Variants in ZNF804A observed in about 807,000 individuals in gnomAD.
ZNF804A encodes the protein zinc finger protein 804A.
ZNF804A carries 2 observed loss-of-function variants against 16.5 expected under a neutral mutation model. That is an observed-to-expected ratio of 0.12 (90% CI 0.05 to 0.38). ZNF804A has a LOEUF of 0.38. Among genes scored for constraint, ZNF804A ranks in the 10% least tolerant of loss-of-function variants. The pLI, the probability that ZNF804A is intolerant of heterozygous loss-of-function variation, is 0.99. For missense variants in ZNF804A, 1,473 were observed against 1,390.7 expected, an observed-to-expected ratio of 1.06 and a Z score of -0.94; for synonymous variants, 534 against 489.6, an observed-to-expected ratio of 1.09 and a Z score of -1.20.
At chr2:184,689,338 G>T (rs1036065828) in intron 1 of ZNF804A, among the ~76,000 whole-genome samples, 1 of 151,952 alleles carries the variant, frequency 6.6e-6, no homozygotes, top group African/African-American at 2.4e-5. Context: ...CACAATAAAA[G>T]AAAAATAAAC....
chr2:184,652,206 T>G (rs1011624554), intron 1 of ZNF804A, among the ~76,000 whole-genome samples: 1 of 152,174 alleles, frequency 6.6e-6, no homozygotes, highest in African/African-American at 2.4e-5. Flanking sequence ...AAACACTGTA[T>G]GTTTTCACTT....
At chr2:184,639,993 C>T (rs1327465512) in intron 1 of ZNF804A, among the ~76,000 whole-genome samples, 1 of 151,830 alleles carries the variant, frequency 6.6e-6, no homozygotes, top group Non-Finnish European at 1.5e-5. Context: ...CAGGGCGAGA[C>T]TGCGTCTCAA....
At chr2:184,887,305 T>C (rs974783684) in intron 2 of ZNF804A, among the ~76,000 whole-genome samples, 2 of 152,194 alleles carry the variant, frequency 1.3e-5, no homozygotes, top group African/African-American at 4.8e-5. Flanking sequence ...ATTGTACATA[T>C]TGCTATCAGC....
intron 2 of ZNF804A, among the ~76,000 whole-genome samples, chr2:184,927,598 A>G (rs1428266237): frequency 1.3e-5 from 2 of 152,206 alleles, no homozygotes; most frequent in Admixed American, 1.3e-4. Context: ...AGGTGGGTCC[A>G]GAGGTTATGT....
intron 1 of ZNF804A, among the ~76,000 whole-genome samples, chr2:184,820,104 TATAC>T (rs1446355836): frequency 2.0e-5 from 3 of 151,740 alleles, no homozygotes; most frequent in Non-Finnish European, 4.4e-5. Context: ...ACCTGGCAGA[TATAC>T]AACAAACAAA....
chr2:184,937,764 C>A lies in ZNF804A; in HGVS notation c.2368C>A (p.His790Asn), dbSNP rs578257332. The change falls in exon 4 of 4, where the codon CAT becomes AAT. Residue 790 changes from histidine to asparagine, a missense_variant. Physicochemically the swap from His to Asn is moderately conservative, Grantham distance 68. Transcript: ENST00000302277. Reference protein sequence around the residue: ...SSDESLNRQNHLPEEFLRPPS... With the variant: ...SSDESLNRQNNLPEEFLRPPS... ...AGATGAAAGTTTAAATCGACAGAAT[C>A]ATTTACCAGAAGAATTTTTGAGGCC... is the stretch of plus-strand genomic sequence containing the variant. The A allele has an allele frequency of 4.3e-6, 7 of 1,613,972 alleles. No homozygotes were observed. Among genetic ancestry groups the A allele is most frequent in the Non-Finnish European group, 5.1e-6 (6 of 1,179,942 alleles).
intron 1 of ZNF804A, among the ~76,000 whole-genome samples, chr2:184,742,349 T>G (rs1285409065): frequency 1.3e-5 from 2 of 152,010 alleles, no homozygotes; most frequent in Non-Finnish European, 2.9e-5. Flanking sequence ...GGTAATATAT[T>G]CCCTTTCAAG....
intron 1 of ZNF804A, among the ~76,000 whole-genome samples, chr2:184,739,193 C>CT (rs1693677125): frequency 6.6e-6 from 1 of 152,028 alleles, no homozygotes. Flanking sequence ...CATTTGATCC[C>CT]TAATTGCACC....
chr2:184,658,520 G>T (rs1308800618), intron 1 of ZNF804A, among the ~76,000 whole-genome samples: 6 of 151,970 alleles, frequency 3.9e-5, no homozygotes, highest in Admixed American at 3.9e-4. Flanking sequence ...AAAACACCAA[G>T]AATTTTTTTT....
At chr2:184,695,256 T>A (rs1364499455) in intron 1 of ZNF804A, among the ~76,000 whole-genome samples, 1 of 151,778 alleles carries the variant, frequency 6.6e-6, no homozygotes, top group African/African-American at 2.4e-5. Context: ...GGTCAGGAGA[T>A]CGAGACCATC....
intron 1 of ZNF804A, among the ~76,000 whole-genome samples, chr2:184,832,679 C>T (rs116351004): frequency 0.035 from 5,295 of 151,624 alleles, 123 homozygotes; most frequent in Middle Eastern, 0.062. Context: ...TCTTTTTCAT[C>T]CCCCAAATAG....
chr2:184,694,682 T>G (rs931218333), intron 1 of ZNF804A, among the ~76,000 whole-genome samples: 6 of 152,214 alleles, frequency 3.9e-5, no homozygotes, highest in African/African-American at 1.4e-4. Context: ...GGCTTGAAAT[T>G]TGAATTTCAG....
intron 1 of ZNF804A, among the ~76,000 whole-genome samples, chr2:184,617,637 T>G (rs920231026): frequency 6.6e-6 from 1 of 151,590 alleles, no homozygotes; most frequent in South Asian, 2.1e-4. Flanking sequence ...TCATCACTGT[T>G]TAGAATTTTT....
chr2:184,613,098 A>T (rs953866561), intron 1 of ZNF804A, among the ~76,000 whole-genome samples: 2 of 152,268 alleles, frequency 1.3e-5, no homozygotes, highest in Non-Finnish European at 2.9e-5. Flanking sequence ...TTGACACATT[A>T]GCAAGGTGCG....
At chr2:184,797,178 T>G (rs1287742517) in intron 1 of ZNF804A, among the ~76,000 whole-genome samples, 1 of 152,182 alleles carries the variant, frequency 6.6e-6, no homozygotes, top group Admixed American at 6.5e-5. Flanking sequence ...AATTGTTTCT[T>G]TCTTGACTTT....
intron 2 of ZNF804A, among the ~76,000 whole-genome samples, chr2:184,915,097 T>C (rs1685422797): frequency 6.6e-6 from 1 of 151,974 alleles, no homozygotes; most frequent in African/African-American, 2.4e-5. Flanking sequence ...CTTATCTGTG[T>C]AAAACATGCT....
At chr2:184,798,515 G>A (rs962724918) in intron 1 of ZNF804A, among the ~76,000 whole-genome samples, 2 of 151,726 alleles carry the variant, frequency 1.3e-5, no homozygotes, top group African/African-American at 4.8e-5. Context: ...TTCTTTACTT[G>A]TTCAATTCTA....
intron 1 of ZNF804A, among the ~76,000 whole-genome samples, chr2:184,751,363 T>G (rs1335329513): frequency 1.3e-5 from 2 of 151,378 alleles, no homozygotes; most frequent in Non-Finnish European, 3.0e-5. Flanking sequence ...TACAGAAATA[T>G]CAACTCAAAA....
intron 1 of ZNF804A, among the ~76,000 whole-genome samples, chr2:184,722,319 C>A (rs951845748): frequency 5.9e-5 from 9 of 151,894 alleles, no homozygotes; most frequent in Admixed American, 1.3e-4. Flanking sequence ...TTCTTTATGC[C>A]GTGTTTAAGA....
Sources: allele counts gnomAD v4.1 joint callset (sites outside exome capture counted in the v4.1 genomes callset), GRCh38; gene constraint gnomAD v4.1.1; transcripts MANE v1.5; gene names NCBI Gene and HGNC (gene_info 2026-07-23, HGNC 2026-07-21).